The following TFCP2 variants were observed in gnomAD, a reference collection of about 807,000 sequenced individuals.
The protein encoded by TFCP2 is alpha-globin transcription factor CP2.
Under a neutral mutation model 73.4 loss-of-function variants are expected in TFCP2, and 33 were observed. The ratio of observed to expected loss-of-function variants is 0.45; its 90% CI spans 0.34 to 0.60. The LOEUF (loss-of-function observed/expected upper bound fraction) is 0.60. Ranked by LOEUF, TFCP2 falls within the 20% of genes least tolerant of loss-of-function variation. TFCP2 has a pLI of 0.01. For synonymous variants in TFCP2, 193 were observed against 211.6 expected (o/e 0.91, Z 0.76); for missense variants, 352 against 604.0 (o/e 0.58, Z 4.37).
At chr12:51,109,036 A>C (rs1940329365) in intron 6 of TFCP2, 85 bp downstream of exon 6, 2 of 1,471,352 alleles carry the variant, frequency 1.4e-6, no homozygotes, top group East Asian at 4.5e-5. Context: ...AAAAAAGACA[A>C]GTTGATTTTC....
intron 1 of TFCP2, among the ~76,000 whole-genome samples, chr12:51,165,088 C>A (rs1441668292): frequency 1.3e-5 from 2 of 152,142 alleles, no homozygotes; most frequent in Non-Finnish European, 2.9e-5. Flanking sequence ...GGCATGGTGG[C>A]TCACACCTGT....
chr12:51,102,220 A>T (rs1227484274), intron 10 of TFCP2, among the ~76,000 whole-genome samples, 195 bp from the exon 11 acceptor site: 3 of 151,744 alleles, frequency 2.0e-5, no homozygotes, highest in African/African-American at 7.3e-5. Flanking sequence ...TAACCTCCCC[A>T]CTTAACCCTA....
chr12:51,106,770 T>C (rs1940257067), intron 7 of TFCP2, 157 bp from the exon 8 acceptor site: 1 of 632,766 alleles, frequency 1.6e-6, no homozygotes, highest in East Asian at 3.1e-5. Flanking sequence ...TTCCGCCATC[T>C]TGGAGCCTGT....
intron 1 of TFCP2, among the ~76,000 whole-genome samples, chr12:51,140,075 C>A (rs140512575): frequency 6.6e-6 from 1 of 152,168 alleles, no homozygotes; most frequent in Non-Finnish European, 1.5e-5. Flanking sequence ...TGTTTATCAA[C>A]ACTCAATGCC....
intron 1 of TFCP2, among the ~76,000 whole-genome samples, chr12:51,123,336 T>C (rs906444945): frequency 2.0e-5 from 3 of 152,222 alleles, no homozygotes; most frequent in African/African-American, 7.2e-5. Context: ...AAAAGTATCA[T>C]CCAGTTCCAC....
chr12:51,110,903 C>G lies in TFCP2; in HGVS notation c.538G>C (p.Ala180Pro), dbSNP rs369254036. 3 of 1,613,848 alleles carry G rather than the reference C, an allele frequency of 1.9e-6. No individual in the cohort carries two copies. Among genetic ancestry groups the G allele is most frequent in the Non-Finnish European group, 2.5e-6 (3 of 1,179,790 alleles). ...LNTVEFLWDPAKRTSVFIQVH... is the reference protein window; with the variant it reads ...LNTVEFLWDPPKRTSVFIQVH... ...TGAATAAACACAGATGTCCTCTTTG[C>G]AGGGTCCCACAGGAACTCCACTGTA... Residue 180 changes from alanine (A) to proline (P), a missense_variant, in exon 5 of 15, where the codon GCA becomes CCA. Physicochemically the swap from Ala to Pro is conservative, Grantham distance 27. Transcript: ENST00000257915.
In TFCP2 at chr12:51,094,030, C is replaced by T. The variant is rs1421501167; in HGVS notation, c.*1211G>A. 1 of 151,690 alleles carries T rather than the reference C, an allele frequency of 6.6e-6. No individual in the cohort carries two copies. The highest frequency in any genetic ancestry group is 1.5e-5 in the Non-Finnish European group (1 of 67,950). 9.4% of individuals were successfully genotyped at this position (151,690 alleles called of 1,614,324 possible). ...ACACACAATCATTCTTAAGGAAGAA[C>T]AAAAACATGGTAAGAGTGTGAACAG... On this transcript the variant is annotated 3_prime_UTR_variant, in exon 15 of 15. Coordinates refer to ENST00000257915, the MANE Select transcript of TFCP2 (RefSeq NM_005653.5).
intron 1 of TFCP2, among the ~76,000 whole-genome samples, chr12:51,144,460 G>A (rs757337590): frequency 2.0e-5 from 3 of 152,090 alleles, no homozygotes; most frequent in Non-Finnish European, 2.9e-5. Context: ...AGACAGCATG[G>A]TATTGAAACA....
Position 51,109,048 on chromosome 12 carries a change from G to C in TFCP2, c.717+73C>G, listed in dbSNP as rs543469743. On this transcript the variant is annotated intron_variant, in intron 6 of 14. Transcript: ENST00000257915. ...TCAAAAAAAGACAAGTTGATTTTCT[G>C]ACTTGGTAACTAATGTTAAAATAGA... The C allele has an allele frequency of 7.2e-6, 11 of 1,517,662 alleles. No individual in the cohort carries two copies. In the East Asian group the frequency reaches 2.5e-4, roughly 34 times the overall value. The allele number at this position is 1,517,662 out of a possible 1,614,324, so 94.0% of individuals were successfully genotyped here.
chr12:51,119,215 G>A (rs1440627308), intron 1 of TFCP2, among the ~76,000 whole-genome samples: 1 of 152,068 alleles, frequency 6.6e-6, no homozygotes, highest in Non-Finnish European at 1.5e-5. Context: ...AATCAATAAC[G>A]AGTATATATT....
chr12:51,152,510 G>T (rs1369451887), intron 1 of TFCP2, among the ~76,000 whole-genome samples: 1 of 152,132 alleles, frequency 6.6e-6, no homozygotes, highest in African/African-American at 2.4e-5. Context: ...TTAAGTTCCC[G>T]ATTTTGATCA....
chr12:51,100,910 A>T (rs1940095537), intron 11 of TFCP2, among the ~76,000 whole-genome samples: 1 of 152,202 alleles, frequency 6.6e-6, no homozygotes, highest in Non-Finnish European at 1.5e-5. Context: ...CCATTGACCT[A>T]AATGCTTTTT....
At chr12:51,163,254 C>T (rs1406002167) in intron 1 of TFCP2, among the ~76,000 whole-genome samples, 2 of 152,022 alleles carry the variant, frequency 1.3e-5, no homozygotes, top group Non-Finnish European at 2.9e-5. Flanking sequence ...GGTGCCACTG[C>T]ACCCCAGCCT....
chr12:51,146,061 A>G (rs781198795), intron 1 of TFCP2, among the ~76,000 whole-genome samples: 19 of 152,220 alleles, frequency 1.2e-4, no homozygotes, highest in East Asian at 5.8e-4. Context: ...CTGACAAAAG[A>G]TAAGTATCTA....
chr12:51,165,276 G>A (rs1319488010), intron 1 of TFCP2, among the ~76,000 whole-genome samples: 3 of 152,026 alleles, frequency 2.0e-5, no homozygotes, highest in Non-Finnish European at 4.4e-5. Context: ...ACAGCAAACT[G>A]CAAACTGGAT....
chr12:51,114,348 G>A (rs1309567008), intron 4 of TFCP2, among the ~76,000 whole-genome samples: 1 of 152,230 alleles, frequency 6.6e-6, no homozygotes, highest in African/African-American at 2.4e-5. Context: ...GCTCACACCT[G>A]TAATCCCAGC....
rs1941896409 is a variant in TFCP2, at chr12:51,173,094, C to T, written c.-672G>A. ...CTTCCACCGTCCGCCGCCCCAGCGC[C>T]AACCAATCATGGCGTCCTCTTTCCT... is the stretch of plus-strand genomic sequence containing the variant. On this transcript the variant is annotated 5_prime_UTR_variant, in exon 1 of 15. The change creates a premature stop within an existing upstream ORF in the 5' untranslated region. Transcript: ENST00000257915. The T allele has an allele frequency of 6.6e-6, 1 of 152,616 alleles. No homozygotes were observed. The highest frequency in any genetic ancestry group is 6.5e-5 in the Admixed American group (1 of 15,282). 9.5% of individuals were successfully genotyped at this position (152,616 alleles called of 1,614,324 possible).
intron 13 of TFCP2, among the ~76,000 whole-genome samples, chr12:51,096,299 C>G (rs1365383594): frequency 1.3e-5 from 2 of 152,204 alleles, no homozygotes; most frequent in East Asian, 1.9e-4. Flanking sequence ...AACCCCAAGA[C>G]TCTCCAAGGA....
chr12:51,097,152 G>T (rs552103507), intron 13 of TFCP2, among the ~76,000 whole-genome samples: 1 of 151,944 alleles, frequency 6.6e-6, no homozygotes, highest in Non-Finnish European at 1.5e-5. Flanking sequence ...GTAGAGACAG[G>T]GTTTCTCTAT....
Sources: gnomAD v4.1 joint callset for allele counts (sites outside exome capture counted in the v4.1 genomes callset) on GRCh38, gnomAD v4.1.1 for gene constraint, MANE v1.5 for transcripts, NCBI Gene and HGNC (gene_info 2026-07-23, HGNC 2026-07-21) for gene names.